The following NPRL3 variants were observed in gnomAD, a reference collection of about 807,000 sequenced individuals.
NPRL3 encodes the protein GATOR1 complex protein NPRL3.
In NPRL3, 23 loss-of-function variants were observed where a neutral mutation model predicts 57.2. That is an observed-to-expected ratio of 0.40 (90% CI 0.29 to 0.57). The LOEUF is 0.57. Ranked by LOEUF, NPRL3 falls within the 20% of genes least tolerant of loss-of-function variation. The pLI, the probability that NPRL3 is intolerant of heterozygous loss-of-function variation, is 0.42. For missense variants in NPRL3, 691 were observed against 767.1 expected (o/e 0.90, Z 1.17); for synonymous variants, 333 against 321.1 (o/e 1.04, Z -0.39).
rs781452593 is a variant in NPRL3 at position 85,407 on chromosome 16, G to A, written c.*1298C>T. On this transcript the variant is annotated 3_prime_UTR_variant, in exon 14 of 14. Transcript: ENST00000611875. ...CAAACTGTCCGTCCCACAGGGGACG[G>A]GGCTTGCGTCTTGCTGCGAGCACTG... 2 of 1,605,274 alleles carry A rather than the reference G, an allele frequency of 1.2e-6. No individual in the cohort carries two copies. Among genetic ancestry groups the A allele is most frequent in the Non-Finnish European group, 1.7e-6 (2 of 1,175,536 alleles).
chr16:131,901 A>C (rs949452210), intron 2 of NPRL3, among the ~76,000 whole-genome samples: 2 of 152,202 alleles, frequency 1.3e-5, no homozygotes, highest in African/African-American at 4.8e-5. Flanking sequence ...CCACTGCTTT[A>C]TCAACTAAGT....
At chr16:130,686 AC>A in intron 2 of NPRL3, 95 bp from the exon 3 acceptor site, 2 of 1,172,852 alleles carry the variant, frequency 1.7e-6, no homozygotes, top group Non-Finnish European at 2.5e-6. Context: ...GTTTTCCAAA[AC>A]ATGCTCTGTC....
chr16:117,620 C>T (rs1900100983), intron 4 of NPRL3, among the ~76,000 whole-genome samples: 1 of 152,220 alleles, frequency 6.6e-6, no homozygotes, highest in South Asian at 2.1e-4. Flanking sequence ...TGACAATGCC[C>T]ACAGGGGACG....
chr16:98,974 C>T (rs1899150224), intron 8 of NPRL3, among the ~76,000 whole-genome samples: 1 of 152,058 alleles, frequency 6.6e-6, no homozygotes, highest in South Asian at 2.1e-4. Context: ...GATTATGTCA[C>T]CCTCGGAAAA....
At chr16:99,333 A>G (rs760492969) in intron 8 of NPRL3, among the ~76,000 whole-genome samples, 30 of 152,208 alleles carry the variant, frequency 2.0e-4, no homozygotes, top group Non-Finnish European at 4.1e-4. Context: ...GACTGGGCTC[A>G]GTTCTTTCCT....
chr16:85,884 A>T lies in NPRL3; in HGVS notation c.*821T>A. ...CAGAGCTCCTCTAGGTGATCAACCC[A>T]TGTCTGGAGCTAGCTCTTCCTCCAG... On this transcript the variant is annotated 3_prime_UTR_variant, in exon 14 of 14. Coordinates refer to ENST00000611875, the MANE Select transcript of NPRL3 (RefSeq NM_001077350.3). 1 of 1,252,370 alleles carries T rather than the reference A, an allele frequency of 8.0e-7. No individual in the cohort carries two copies. Among genetic ancestry groups the T allele is most frequent in the Non-Finnish European group, 1.0e-6 (1 of 973,080 alleles). The allele number at this position is 1,252,370 out of a possible 1,614,324, so 77.6% of individuals were successfully genotyped here. A position where few individuals can be genotyped will look rare whatever the true frequency, so the allele number is the denominator to read the frequency against.
At chr16:100,943 C>T (rs755241271) in intron 7 of NPRL3, among the ~76,000 whole-genome samples, 136 of 108,602 alleles carry the variant, frequency 1.3e-3, no homozygotes, top group Non-Finnish European at 1.8e-3. Context: ...TGCACTCCAG[C>T]CTGGGCAACA....
At chr16:112,904 C>T in intron 5 of NPRL3, 129 bp from the exon 6 acceptor site, 2 of 873,192 alleles carry the variant, frequency 2.3e-6, no homozygotes, top group Non-Finnish European at 3.2e-6. Flanking sequence ...CTACTCCTTT[C>T]CCCCAGGCTC....
intron 3 of NPRL3, among the ~76,000 whole-genome samples, chr16:120,580 G>A (rs150654505): frequency 6.0e-4 from 92 of 152,248 alleles, no homozygotes; most frequent in African/African-American, 2.0e-3. Flanking sequence ...ACCATCCGAA[G>A]TCACCCTAGG....
At chr16:134,245 C>A (rs184133214) in intron 2 of NPRL3, among the ~76,000 whole-genome samples, 186 of 151,766 alleles carry the variant, frequency 1.2e-3, no homozygotes, top group African/African-American at 3.8e-3. Context: ...ACACACACAC[C>A]CCCTCACAGT....
intron 3 of NPRL3, among the ~76,000 whole-genome samples, chr16:120,347 T>C (rs560872107): frequency 6.6e-6 from 1 of 152,306 alleles, no homozygotes; most frequent in South Asian, 2.1e-4. Context: ...GGTGCAAACC[T>C]GGTCATGCTT....
chr16:106,194 G>T (rs1382849042), intron 7 of NPRL3, among the ~76,000 whole-genome samples: 1 of 152,154 alleles, frequency 6.6e-6, no homozygotes, highest in Non-Finnish European at 1.5e-5. Context: ...CGTAATCCCA[G>T]CTGCTCAGGA....
chr16:89,587 C>CGTGCAT (rs1302209027), intron 12 of NPRL3, 126 bp downstream of exon 12: 1 of 876,060 alleles, frequency 1.1e-6, no homozygotes, highest in Admixed American at 3.7e-5. Flanking sequence ...ACACGAGGCA[C>CGTGCAT]GTGCATGTGC....
intron 7 of NPRL3, among the ~76,000 whole-genome samples, chr16:103,436 C>T (rs1234602927): frequency 5.9e-5 from 9 of 151,658 alleles, no homozygotes; most frequent in Admixed American, 5.9e-4. Context: ...CCACCGCACC[C>T]ACCCAAGGCC....
intron 6 of NPRL3, among the ~76,000 whole-genome samples, chr16:111,775 T>C (rs1899826304): frequency 6.6e-6 from 1 of 152,144 alleles, no homozygotes; most frequent in Admixed American, 6.5e-5. Context: ...GTACTGAAAA[T>C]GCACCTGAGT....
rs754510113 is a variant in NPRL3, at chr16:85,751, G to A, written c.*954C>T. 7 of 1,512,454 alleles carry A rather than the reference G, an allele frequency of 4.6e-6. No homozygotes were observed. The East Asian group carries it at 6.9e-5, about 15-fold the overall frequency. 93.7% of individuals were successfully genotyped at this position (1,512,454 alleles called of 1,614,324 possible). A position where few individuals can be genotyped will look rare whatever the true frequency, so the allele number is the denominator to read the frequency against. On this transcript the variant is annotated 3_prime_UTR_variant, in exon 14 of 14. Coordinates refer to ENST00000611875, the MANE Select transcript of NPRL3 (RefSeq NM_001077350.3). ...CCCCTGGGTCAGTGTGGTCGACAGA[G>A]TGGCTGAGCAGGACACACAGGCCTG...
chr16:88,822 C>T lies in NPRL3; in HGVS notation c.1420G>A (p.Gly474Arg), dbSNP rs374687256. ...ATCCTCTGGTTCAGTGGCGAGTCCC[C>T]GCTGGGAAGTAGCTCTGCGCTGGAG... ...DNSSAELLPS[G>R]DSPLNQRMTE... The change falls in exon 13 of 14, where the codon GGG becomes AGG. Residue 474 changes from glycine to arginine, a missense_variant. By Grantham distance (125) the Gly-to-Arg change is moderately radical. Coordinates refer to ENST00000611875, the MANE Select transcript of NPRL3 (RefSeq NM_001077350.3). 116 of 1,613,684 alleles carry T rather than the reference C, an allele frequency of 7.2e-5. 1 individual carries two copies. The highest frequency in any genetic ancestry group is 8.7e-5 in the Non-Finnish European group (103 of 1,179,850).
intron 7 of NPRL3, among the ~76,000 whole-genome samples, chr16:107,810 ACAC>A (rs1899603829): frequency 6.6e-6 from 1 of 152,186 alleles, no homozygotes; most frequent in Non-Finnish European, 1.5e-5. Context: ...CTACAGGAGC[ACAC>A]CACCGCACCA....
chr16:124,160 C>T (rs575854878), intron 3 of NPRL3, among the ~76,000 whole-genome samples: 9 of 152,030 alleles, frequency 5.9e-5, no homozygotes, highest in African/African-American at 1.9e-4. Flanking sequence ...CAGGGTCACA[C>T]GCTCCCCACG....
Sources: gnomAD v4.1 joint callset for allele counts (sites outside exome capture counted in the v4.1 genomes callset) on GRCh38, gnomAD v4.1.1 for gene constraint, MANE v1.5 for transcripts, NCBI Gene and HGNC (gene_info 2026-07-23, HGNC 2026-07-21) for gene names.